The following SEPTIN11 variants were observed in gnomAD, a reference collection of about 807,000 sequenced individuals.
SEPTIN11 encodes the protein septin 11, also known as septin-11.
A neutral mutation model predicts 51.4 loss-of-function variants in SEPTIN11; 25 were observed. The observed-to-expected ratio is 0.49, with a 90% CI of 0.35 to 0.68. The LOEUF (loss-of-function observed/expected upper bound fraction) is 0.68. SEPTIN11 is among the 30% of genes least tolerant of loss of function. The pLI is 0.00. For synonymous variants in SEPTIN11, 174 were observed against 184.1 expected, an observed-to-expected ratio of 0.95 and a Z score of 0.44; for missense variants, 381 against 520.8, an observed-to-expected ratio of 0.73 and a Z score of 2.61.
downstream of SEPTIN11, chr4:77,040,034 C>A (rs1270512237): frequency 1.3e-5 from 2 of 152,272 alleles, no homozygotes; most frequent in Non-Finnish European, 2.9e-5. Flanking sequence ...CCAAAAACTT[C>A]CCTTTTTTGT....
Position 76,952,121 on chromosome 4 carries a change from A to C in SEPTIN11, c.27+2191A>C, listed in dbSNP as rs115588042. 8.4e-3 allele frequency among the ~76,000 whole-genome samples: 1,275 copies of C among 152,298 alleles called. 12 individuals carry two copies. Among genetic ancestry groups the C allele is most frequent in the African/African-American group, 0.029 (1,204 of 41,576 alleles). ...ATCCTTTCACTTTGTTCATTGGGCTATTGTCTTAAGTGTGGTCTCTGCAGT... is the reference window on the plus strand; with the variant it reads ...ATCCTTTCACTTTGTTCATTGGGCTCTTGTCTTAAGTGTGGTCTCTGCAGT... On this transcript the variant is annotated intron_variant, in intron 1 of 9. Coordinates refer to ENST00000264893, the MANE Select transcript of SEPTIN11 (RefSeq NM_018243.4).
intron 1 of SEPTIN11, among the ~76,000 whole-genome samples, chr4:76,986,559 A>G (rs1353439459): frequency 6.6e-6 from 1 of 152,236 alleles, no homozygotes; most frequent in Admixed American, 6.5e-5. Flanking sequence ...AAACTGAGGC[A>G]AAGTTAAATA....
chr4:76,978,642 T>C (rs1343730004), intron 1 of SEPTIN11, among the ~76,000 whole-genome samples: 7 of 152,160 alleles, frequency 4.6e-5, no homozygotes, highest in Non-Finnish European at 8.8e-5. Flanking sequence ...ATAATAACGG[T>C]GCACACCTCA....
At chr4:76,964,298 A>AT (rs34041277) in intron 1 of SEPTIN11, among the ~76,000 whole-genome samples, 1,857 of 133,328 alleles carry the variant, frequency 0.014, 58 homozygotes, top group East Asian at 0.12. Flanking sequence ...TTGGCCAATC[A>AT]TTTTTTTTTT....
chr4:77,023,159 C>T (rs979667376), intron 7 of SEPTIN11, among the ~76,000 whole-genome samples: 4 of 151,844 alleles, frequency 2.6e-5, no homozygotes, highest in South Asian at 4.2e-4. Flanking sequence ...GGGATATCAC[C>T]GAGGCTGCCT....
intron 1 of SEPTIN11, among the ~76,000 whole-genome samples, chr4:76,979,477 T>G (rs2109913058): frequency 6.6e-6 from 1 of 152,336 alleles, no homozygotes; most frequent in East Asian, 1.9e-4. Context: ...CTGGCAAAAC[T>G]GGTTTGAATG....
chr4:77,028,594 C>G, intron 7 of SEPTIN11, 35 bp from the exon 8 acceptor site: 1 of 1,547,410 alleles, frequency 6.5e-7, no homozygotes, highest in South Asian at 1.3e-5. Flanking sequence ...TATACAATTT[C>G]ATGATGCTGT....
chr4:76,998,442 A>G (rs908010561), intron 2 of SEPTIN11, among the ~76,000 whole-genome samples: 3 of 152,108 alleles, frequency 2.0e-5, no homozygotes, highest in Non-Finnish European at 2.9e-5. Flanking sequence ...CTTTAGGGAG[A>G]GTGCGCGCCT....
intron 5 of SEPTIN11, among the ~76,000 whole-genome samples, chr4:77,017,880 A>G (rs1725410480): frequency 6.6e-6 from 1 of 152,214 alleles, no homozygotes; most frequent in African/African-American, 2.4e-5. Context: ...GTTGTCTTGG[A>G]CACCATCTCT....
rs1289369133 is a variant in SEPTIN11 at position 76,957,815 on chromosome 4, TTTTA to T, written c.27+7893_27+7896del. Among the ~76,000 whole-genome samples the T allele has an allele frequency of 5.3e-5, 8 of 152,242 alleles. No individual in the cohort carries two copies. In the East Asian group the frequency reaches 1.5e-3, roughly 29 times the overall value. On this transcript the variant is annotated intron_variant, in intron 1 of 9. Coordinates refer to ENST00000264893, the MANE Select transcript of SEPTIN11 (RefSeq NM_018243.4). ...CATGAATCACCAAAATTTTGGCGAT[TTTTA>T]TTTATTTGAATTGCTGGCAACACTT...
At chr4:77,031,983 C>T (rs1726677042) in intron 9 of SEPTIN11, 1 of 152,122 alleles carries the variant, frequency 6.6e-6, no homozygotes, top group Non-Finnish European at 1.5e-5. Context: ...TAAAGAATTA[C>T]ATTCTTTAAA....
rs773831318 is a variant in SEPTIN11, at chr4:77,020,592, G to A, written c.875G>A (p.Arg292His). Residue 292 changes from arginine (R) to histidine (H), a missense_variant, in exon 7 of 10, where the codon CGC becomes CAC. Transcript: ENST00000264893. ...MEDLREQTHT[R>H]HYELYRRCKL... ...GACTTGCGAGAGCAGACTCACACCC[G>A]CCACTATGAATTGTACCGACGCTGT... is the stretch of plus-strand genomic sequence containing the variant. The A allele has an allele frequency of 1.8e-5, 29 of 1,613,920 alleles. No homozygotes were observed. In the African/African-American group the frequency reaches 3.6e-4, roughly 20 times the overall value.
chr4:77,012,270 A>G (rs1264902584), intron 4 of SEPTIN11, among the ~76,000 whole-genome samples: 3 of 152,118 alleles, frequency 2.0e-5, no homozygotes, highest in Admixed American at 1.3e-4. Flanking sequence ...AAAGTTTACA[A>G]TGGAATAAAA....
rs113165224 is a variant in SEPTIN11 at position 77,038,612 on chromosome 4, A to G, written c.*4100A>G. ...GGGGAAAATATATTTTTACCCAAAC[A>G]TTATTTGTGTGCCCTTTTTTGTGAG... On this transcript the variant is annotated 3_prime_UTR_variant, in exon 10 of 10. Transcript: ENST00000264893. 1.7e-4 allele frequency: 167 copies of G among 994,866 alleles called. No homozygotes were observed. The African/African-American group carries it at 2.7e-3, about 16-fold the overall frequency. The allele number at this position is 994,866 out of a possible 1,614,324, so 61.6% of individuals were successfully genotyped here.
rs772125666 is a variant in SEPTIN11 at position 77,034,523 on chromosome 4, G to T, written c.*11G>T. The T allele has an allele frequency of 1.9e-6, 3 of 1,568,366 alleles. No homozygotes were observed. The highest frequency in any genetic ancestry group is 2.8e-5 in the African/African-American group (2 of 72,528). On this transcript the variant is annotated 3_prime_UTR_variant, in exon 10 of 10. Coordinates refer to ENST00000264893, the MANE Select transcript of SEPTIN11 (RefSeq NM_018243.4). Reference sequence around the variant, plus strand: ...GCAAGCTTCACATAAAGCCTGGCAAGCCAAGGATGTTCCCGCATTCACCTG... The same window carrying T: ...GCAAGCTTCACATAAAGCCTGGCAATCCAAGGATGTTCCCGCATTCACCTG...
intron 3 of SEPTIN11, among the ~76,000 whole-genome samples, chr4:77,008,476 C>T (rs1249414826): frequency 3.3e-5 from 5 of 151,988 alleles, no homozygotes; most frequent in African/African-American, 4.8e-5. Flanking sequence ...TGGAGGTAGT[C>T]AAGGGATAAG....
intron 1 of SEPTIN11, among the ~76,000 whole-genome samples, chr4:76,950,144 C>T (rs1721264788): frequency 6.6e-6 from 1 of 152,334 alleles, no homozygotes; most frequent in Non-Finnish European, 1.5e-5. Flanking sequence ...ATCGCCTCGT[C>T]GCGCCCCTCT....
At chr4:76,972,622 G>A (rs1361900768) in intron 1 of SEPTIN11, 1 of 152,146 alleles carries the variant, frequency 6.6e-6, no homozygotes, top group Non-Finnish European at 1.5e-5. Context: ...ATTAGCAGTT[G>A]AGTACAAACT....
chr4:76,967,320 T>G (rs1051805302), intron 1 of SEPTIN11, among the ~76,000 whole-genome samples: 2 of 152,338 alleles, frequency 1.3e-5, no homozygotes, highest in Admixed American at 6.5e-5. Flanking sequence ...TAAGCTTCAA[T>G]TAGGTTCCGT....
Sources: allele counts gnomAD v4.1 joint callset (sites outside exome capture counted in the v4.1 genomes callset), GRCh38; gene constraint gnomAD v4.1.1; transcripts MANE v1.5; gene names NCBI Gene and HGNC (gene_info 2026-07-23, HGNC 2026-07-21).